NXPH2: variants seen among roughly 807,000 people sequenced by gnomAD.
NXPH2 encodes neurexophilin-2.
NXPH2 carries 5 observed loss-of-function variants against 19.8 expected under a neutral mutation model. That is an observed-to-expected ratio of 0.25 (90% CI 0.13 to 0.53). The LOEUF is 0.53. NXPH2 is among the 20% of genes least tolerant of loss of function. The probability of loss-of-function intolerance (pLI) is 0.96; values close to 1 mark genes in which losing one functional copy is unlikely to be tolerated. For missense variants in NXPH2, 289 were observed against 322.8 expected (o/e 0.90, Z 0.80); for synonymous variants, 154 against 127.4 (o/e 1.21, Z -1.41).
intron 1 of NXPH2, among the ~76,000 whole-genome samples, chr2:138,748,704 T>C (rs148922978): frequency 2.6e-5 from 4 of 152,174 alleles, no homozygotes; most frequent in African/African-American, 9.6e-5. Context: ...ATTTAAATAG[T>C]AAAAGAAGAA....
intron 1 of NXPH2, among the ~76,000 whole-genome samples, chr2:138,761,954 C>T (rs6430804): frequency 0.61 from 92,062 of 151,976 alleles, 28,387 homozygotes; most frequent in African/African-American, 0.69. Context: ...TCTTAGATTA[C>T]GCTGGTTAAA....
At chr2:138,671,766 A>G in intron 1 of NXPH2, 101 bp from the exon 2 acceptor site, 1 of 1,239,994 alleles carries the variant, frequency 8.1e-7, no homozygotes. Context: ...AACATTGTTT[A>G]GATTCTTGTT....
intron 1 of NXPH2, among the ~76,000 whole-genome samples, chr2:138,727,604 GTTGGATTTTATAAATTCT>G (rs1231250613): frequency 7.0e-6 from 1 of 143,160 alleles, no homozygotes; most frequent in East Asian, 2.1e-4. Flanking sequence ...TTTTCCTATT[GTTGGATTTTATAAATTCT>G]TTGTATATTC....
chr2:138,714,754 G>A (rs1304602782), intron 1 of NXPH2, among the ~76,000 whole-genome samples: 2 of 152,014 alleles, frequency 1.3e-5, no homozygotes, highest in Admixed American at 6.6e-5. Context: ...TTGTTTCAAC[G>A]GATTCATGCA....
intron 1 of NXPH2, among the ~76,000 whole-genome samples, chr2:138,764,435 C>T (rs1221077312): frequency 6.6e-6 from 1 of 152,144 alleles, no homozygotes; most frequent in East Asian, 1.9e-4. Context: ...CATGGACCAG[C>T]ATTTGGGAAT....
At chr2:138,715,589 G>C (rs1681185203) in intron 1 of NXPH2, among the ~76,000 whole-genome samples, 1 of 152,266 alleles carries the variant, frequency 6.6e-6, no homozygotes, top group Middle Eastern at 3.4e-3. Flanking sequence ...GTCACTGGTG[G>C]GGCATGTGGA....
chr2:138,707,107 A>AAAAAAAAAAAAAAAAAAAAAC (rs1558918445), intron 1 of NXPH2, among the ~76,000 whole-genome samples: 18 of 146,614 alleles, frequency 1.2e-4, no homozygotes, highest in African/African-American at 4.5e-4. Context: ...AAAAAAAAAA[A>AAAAAAAAAAAAAAAAAAAAAC]AAAAAGAGCA....
chr2:138,688,633 A>G (rs551598222), intron 1 of NXPH2, among the ~76,000 whole-genome samples: 216 of 152,348 alleles, frequency 1.4e-3, no homozygotes, highest in Non-Finnish European at 2.8e-3. Flanking sequence ...AATGCATTAT[A>G]TATGAGTTCA....
At position 138,671,550 on chromosome 2, in the gene NXPH2, A is replaced by C. The variant is rs763431319; in HGVS notation, c.167T>G (p.Leu56Arg). 1.9e-6 allele frequency: 3 copies of C among 1,614,002 alleles called. No individual in the cohort carries two copies. In the Admixed American group the frequency reaches 5.0e-5, roughly 27 times the overall value. ...CGGAGACTGTTTAACAAACAGGCGC[A>C]GGGGACTGATGATCCTTGAGTGCAC... ...NVVHSRIISP[L>R]RLFVKQSPVP... Residue 56 changes from leucine (L) to arginine (R), a missense_variant, in exon 2 of 2, where the codon CTG (leucine) becomes CGG (arginine). Leu to Arg is a moderately radical substitution (Grantham distance 102). Transcript: ENST00000272641.
At chr2:138,768,018 G>C (rs1378101439) in intron 1 of NXPH2, among the ~76,000 whole-genome samples, 1 of 151,666 alleles carries the variant, frequency 6.6e-6, no homozygotes, top group Non-Finnish European at 1.5e-5. Context: ...TTTTTATTTT[G>C]TCAGTTATAA....
intron 1 of NXPH2, among the ~76,000 whole-genome samples, chr2:138,725,147 G>A (rs1681339200): frequency 1.3e-5 from 2 of 152,226 alleles, no homozygotes; most frequent in African/African-American, 4.8e-5. Flanking sequence ...AGAAGAGTTA[G>A]GAGGACAGTT....
chr2:138,696,572 G>T (rs1331952558), intron 1 of NXPH2, among the ~76,000 whole-genome samples: 1 of 152,022 alleles, frequency 6.6e-6, no homozygotes, highest in Non-Finnish European at 1.5e-5. Context: ...CCACTAGAAG[G>T]GCTAAAATTA....
chr2:138,709,933 G>C (rs1262426487), intron 1 of NXPH2, among the ~76,000 whole-genome samples: 1 of 152,126 alleles, frequency 6.6e-6, no homozygotes, highest in Non-Finnish European at 1.5e-5. Context: ...TATTTTGGTT[G>C]CTTCCTAATT....
At chr2:138,748,035 T>C (rs1438207577) in intron 1 of NXPH2, among the ~76,000 whole-genome samples, 1 of 152,202 alleles carries the variant, frequency 6.6e-6, no homozygotes, top group African/African-American at 2.4e-5. Context: ...GCTAAGTGAG[T>C]GGGTCTAGAG....
intron 1 of NXPH2, among the ~76,000 whole-genome samples, chr2:138,776,192 T>C (rs1302566631): frequency 6.6e-6 from 1 of 152,046 alleles, no homozygotes; most frequent in African/African-American, 2.4e-5. Flanking sequence ...TTAATACATT[T>C]GATTGGCAAG....
intron 1 of NXPH2, among the ~76,000 whole-genome samples, chr2:138,684,507 T>G (rs1422688238): frequency 1.3e-5 from 2 of 152,202 alleles, no homozygotes; most frequent in Non-Finnish European, 2.9e-5. Flanking sequence ...ATCCATATTT[T>G]ATATATAATC....
chr2:138,723,916 C>A (rs957974129), intron 1 of NXPH2, among the ~76,000 whole-genome samples: 1 of 141,920 alleles, frequency 7.0e-6, no homozygotes, highest in Non-Finnish European at 1.5e-5. Flanking sequence ...TGCTCCTAAA[C>A]CATTCGGGTC....
chr2:138,704,427 T>C (rs1450301875), intron 1 of NXPH2, among the ~76,000 whole-genome samples: 2 of 152,192 alleles, frequency 1.3e-5, no homozygotes, highest in Non-Finnish European at 1.5e-5. Flanking sequence ...TTATGGCAAG[T>C]TGATATTAGA....
intron 1 of NXPH2, among the ~76,000 whole-genome samples, chr2:138,728,724 A>G (rs1001476663): frequency 6.6e-6 from 1 of 152,240 alleles, no homozygotes; most frequent in African/African-American, 2.4e-5. Context: ...TTATTCTCTG[A>G]TAAAAAGTTT....
Sources: gnomAD v4.1 joint callset for allele counts (sites outside exome capture counted in the v4.1 genomes callset) on GRCh38, gnomAD v4.1.1 for gene constraint, MANE v1.5 for transcripts, NCBI Gene and HGNC (gene_info 2026-07-23, HGNC 2026-07-21) for gene names.